Variants in PDLIM3 observed in about 807,000 individuals in gnomAD.
PDLIM3 encodes PDZ and LIM domain 3, also known as PDZ and LIM domain protein 3.
Under a neutral mutation model 37.3 loss-of-function variants are expected in PDLIM3, and 36 were observed. That is an observed-to-expected ratio of 0.97 (90% CI 0.74 to 1.28). The LOEUF (loss-of-function observed/expected upper bound fraction) is 1.28, where lower values mean the gene tolerates loss of function less well. Ranked by LOEUF, PDLIM3 falls within the 50% of genes most tolerant of loss-of-function variation. The pLI is 0.00. For synonymous variants in PDLIM3, 174 were observed against 182.4 expected (o/e 0.95, Z 0.37); for missense variants, 454 against 485.0 (o/e 0.94, Z 0.60).
chr4:185,532,117 A>G (rs28723051), intron 1 of PDLIM3, among the ~76,000 whole-genome samples: 39,770 of 151,980 alleles, frequency 0.26, 8,309 homozygotes, highest in African/African-American at 0.58. Context: ...AAACAAAAAC[A>G]TGACAAATCA....
chr4:185,531,415 A>T (rs528423896), intron 1 of PDLIM3, among the ~76,000 whole-genome samples: 1 of 152,354 alleles, frequency 6.6e-6, no homozygotes, highest in East Asian at 1.9e-4. Context: ...CCAGTTGCTA[A>T]AAATTTGTTT....
At position 185,502,217 on chromosome 4, in the gene PDLIM3, CT is replaced by C. The variant is rs952304578; in HGVS notation, c.*76del. On this transcript the variant is annotated 3_prime_UTR_variant, in exon 8 of 8. Coordinates refer to ENST00000284767, the MANE Select transcript of PDLIM3 (RefSeq NM_014476.6). ...GGAGTTGACAATCTGCACAATCCTT[CT>C]GCCCAAAGCCATGAATGTCTTCTCG... 2 of 1,413,046 alleles carry C rather than the reference CT, an allele frequency of 1.4e-6. No homozygotes were observed. Among genetic ancestry groups the C allele is most frequent in the Admixed American group, 3.4e-5 (2 of 59,700 alleles). The allele number at this position is 1,413,046 out of a possible 1,614,324, so 87.5% of individuals were successfully genotyped here.
At chr4:185,525,560 A>G (rs2095732335) in intron 1 of PDLIM3, among the ~76,000 whole-genome samples, 1 of 152,310 alleles carries the variant, frequency 6.6e-6, no homozygotes, top group South Asian at 2.1e-4. Context: ...ACTGCTTTCA[A>G]TCCAAATATA....
At chr4:185,518,360 A>G (rs1300746896) in intron 3 of PDLIM3, among the ~76,000 whole-genome samples, 1 of 152,146 alleles carries the variant, frequency 6.6e-6, no homozygotes, top group African/African-American at 2.4e-5. Flanking sequence ...GCTCACAGAT[A>G]AAGATTCAGA....
chr4:185,502,704 T>C (rs572634854), intron 7 of PDLIM3, among the ~76,000 whole-genome samples: 172 of 152,326 alleles, frequency 1.1e-3, no homozygotes, highest in South Asian at 1.7e-3. Context: ...GATGTTGACG[T>C]GTGACTATTT....
Position 185,525,061 on chromosome 4 carries a change from C to T in PDLIM3, c.204G>A (p.Arg68=). ...ACAGCTGGTGAGCTGCTGCTTTAAT[C>T]CTGTCCTGCGCATCAGCATGAGTCA... The part of the protein sequence containing the change: ...ESMTHADAQD[R]IKAAAHQLCL... Residue 68 remains arginine (R), a synonymous_variant, in exon 2 of 8, where the codon AGG becomes AGA. Transcript: ENST00000284767. The T allele has an allele frequency of 1.2e-6, 2 of 1,614,190 alleles. No individual in the cohort carries two copies. Among genetic ancestry groups the T allele is most frequent in the Non-Finnish European group, 1.7e-6 (2 of 1,180,024 alleles).
chr4:185,513,018 T>C, intron 4 of PDLIM3: 1 of 985,440 alleles, frequency 1.0e-6, no homozygotes, highest in East Asian at 1.1e-4. Context: ...CCTCAGGATT[T>C]GATTCCTTTA....
At position 185,506,606 on chromosome 4, in the gene PDLIM3, G is replaced by A. The variant is rs770135681; in HGVS notation, c.709C>T (p.Leu237Phe). Residue 237 changes from leucine (L) to phenylalanine (F), a missense_variant, in exon 6 of 8, where the codon CTC (leucine) becomes TTC (phenylalanine). Coordinates refer to ENST00000284767, the MANE Select transcript of PDLIM3 (RefSeq NM_014476.6). ...GTGGGCTCATTCCGATTGTCGTGGA[G>A]CATCCGGTACACGTCCGACTCGGGG... ...VPPESDVYRMLHDNRNEPTQP... is the reference protein window; with the variant it reads ...VPPESDVYRMFHDNRNEPTQP... The A allele has an allele frequency of 6.2e-7, 1 of 1,611,194 alleles. No individual in the cohort carries two copies. The highest frequency in any genetic ancestry group is 1.1e-5 in the South Asian group (1 of 91,092).
intron 1 of PDLIM3, 126 bp downstream of exon 1, chr4:185,535,216 G>C (rs2095751522): frequency 1.3e-6 from 1 of 797,080 alleles, no homozygotes; most frequent in South Asian, 1.7e-5. Flanking sequence ...CCGGGAGCCA[G>C]CAGCGCCCCG....
intron 3 of PDLIM3, chr4:185,523,130 C>A: frequency 2.1e-6 from 1 of 470,502 alleles, no homozygotes; most frequent in South Asian, 2.7e-5. Context: ...TAGCCAAATT[C>A]TTTCTGATGG....
At position 185,504,674 on chromosome 4, in the gene PDLIM3, C is replaced by A. The variant is rs1054542356; in HGVS notation, c.794-88G>T. On this transcript the variant is annotated intron_variant, in intron 6 of 7. Coordinates refer to ENST00000284767, the MANE Select transcript of PDLIM3 (RefSeq NM_014476.6). The surrounding 1 kb of genome is among the most constrained non-coding windows in gnomAD (Gnocchi z 4.7). ...TCTATTTTAAAGTGTGCACTTTAAC[C>A]TGAAGTTGCATCTGCACCGTCATTC... The A allele has an allele frequency of 9.7e-7, 1 of 1,026,442 alleles. No homozygotes were observed. Among genetic ancestry groups the A allele is most frequent in the Middle Eastern group, 2.2e-4 (1 of 4,466 alleles). The allele number at this position is 1,026,442 out of a possible 1,614,324, so 63.6% of individuals were successfully genotyped here.
intron 1 of PDLIM3, among the ~76,000 whole-genome samples, chr4:185,533,665 C>A (rs1232248747): frequency 6.6e-6 from 1 of 152,066 alleles, no homozygotes; most frequent in Non-Finnish European, 1.5e-5. Context: ...ATAATAACTG[C>A]CATTATATCA....
At chr4:185,526,629 T>G (rs1015002463) in intron 1 of PDLIM3, among the ~76,000 whole-genome samples, 3 of 152,218 alleles carry the variant, frequency 2.0e-5, no homozygotes, top group Non-Finnish European at 1.5e-5. Flanking sequence ...AAATCCCAAC[T>G]ATACACCTCT....
Position 185,501,909 on chromosome 4 carries a change from T to C in PDLIM3, c.*385A>G. ...CAGATTATGTTAGAATACAAGATTGTTATTTGCTATTTACCACAATTGCAA... is the reference window on the plus strand; with the variant it reads ...CAGATTATGTTAGAATACAAGATTGCTATTTGCTATTTACCACAATTGCAA... On this transcript the variant is annotated 3_prime_UTR_variant, in exon 8 of 8. Transcript: ENST00000284767. The C allele has an allele frequency of 3.1e-6, 1 of 318,364 alleles. No homozygotes were observed. Among genetic ancestry groups the C allele is most frequent in the Non-Finnish European group, 6.1e-6 (1 of 164,666 alleles). 19.7% of individuals were successfully genotyped at this position (318,364 alleles called of 1,614,324 possible). A position where few individuals can be genotyped will look rare whatever the true frequency, so the allele number is the denominator to read the frequency against.
intron 3 of PDLIM3, among the ~76,000 whole-genome samples, chr4:185,519,717 A>G (rs1055240197): frequency 6.6e-6 from 1 of 152,244 alleles, no homozygotes; most frequent in African/African-American, 2.4e-5. Flanking sequence ...AATATTTAAT[A>G]TCTGTGGCTG....
At chr4:185,524,615 C>T (rs185927212) in intron 2 of PDLIM3, among the ~76,000 whole-genome samples, 1 of 152,334 alleles carries the variant, frequency 6.6e-6, no homozygotes, top group Non-Finnish European at 1.5e-5. Context: ...AATATAATTA[C>T]AGTCAGGCAA....
In PDLIM3 at chr4:185,508,553, G is replaced by C; in HGVS notation, c.408C>G (p.Ser136Arg). 1 of 1,613,926 alleles carries C rather than the reference G, an allele frequency of 6.2e-7. No individual in the cohort carries two copies. Among genetic ancestry groups the C allele is most frequent in the Non-Finnish European group, 8.5e-7 (1 of 1,179,874 alleles). The change falls in exon 5 of 8, where the codon AGC becomes AGG. Residue 136 changes from serine to arginine, a missense_variant. By Grantham distance (110) the Ser-to-Arg change is moderately radical. Coordinates refer to ENST00000284767, the MANE Select transcript of PDLIM3 (RefSeq NM_014476.6). The part of the protein sequence containing the change: ...FVIPGRSSGC[S>R]TPSGIDCGSG... ...TGCCACAGTCAATCCCGGAGGGAGTGCTGCATCCACTGTGTTAATGGATAC... is the reference window on the plus strand; with the variant it reads ...TGCCACAGTCAATCCCGGAGGGAGTCCTGCATCCACTGTGTTAATGGATAC...
chr4:185,535,282 T>C (rs1301034418), intron 1 of PDLIM3, 60 bp downstream of exon 1: 13 of 1,441,884 alleles, frequency 9.0e-6, no homozygotes, highest in East Asian at 2.5e-5. Context: ...ATCCACTGCG[T>C]CCCCCCGGAC....
At chr4:185,509,334 TTCAC>T (rs1163566486) in intron 4 of PDLIM3, among the ~76,000 whole-genome samples, 1 of 152,232 alleles carries the variant, frequency 6.6e-6, no homozygotes, top group Non-Finnish European at 1.5e-5. Flanking sequence ...AAGGTGGTGT[TTCAC>T]TCTTTCGATG....
Sources: allele counts gnomAD v4.1 joint callset (sites outside exome capture counted in the v4.1 genomes callset), GRCh38; gene constraint gnomAD v4.1.1; non-coding constraint Gnocchi (gnomAD v3.1); transcripts MANE v1.5; gene names NCBI Gene and HGNC (gene_info 2026-07-23, HGNC 2026-07-21).